Variants in ELAPOR2 observed in about 807,000 individuals in gnomAD.
ELAPOR2 encodes endosome/lysosome-associated apoptosis and autophagy regulator family member 2.
ELAPOR2 carries 89 observed loss-of-function variants against 120.7 expected under a neutral mutation model. The ratio of observed to expected loss-of-function variants is 0.74; its 90% CI spans 0.62 to 0.88. The LOEUF (loss-of-function observed/expected upper bound fraction) is 0.88. ELAPOR2 is among the 40% of genes least tolerant of loss of function. ELAPOR2 has a pLI of 0.00. For missense variants in ELAPOR2, 1,134 were observed against 1,251.6 expected (o/e 0.91, Z 1.42); for synonymous variants, 444 against 444.9 (o/e 1.00, Z 0.03).
chr7:87,038,431 G>A lies in ELAPOR2; in HGVS notation c.189+20894C>T, dbSNP rs1018260768. Among the ~76,000 whole-genome samples the A allele has an allele frequency of 1.6e-4, 24 of 152,146 alleles. No individual in the cohort carries two copies. The South Asian group carries it at 1.9e-3, about 12-fold the overall frequency. Reference sequence around the variant, plus strand: ...TATACTAAAAGCTTGTATACATAACGATGCAAACACCTAAATAGGAAATCT... The same window carrying A: ...TATACTAAAAGCTTGTATACATAACAATGCAAACACCTAAATAGGAAATCT... On this transcript the variant is annotated intron_variant, in intron 1 of 21. Coordinates refer to ENST00000450689, the MANE Select transcript of ELAPOR2 (RefSeq NM_001142749.3).
At chr7:87,033,978 T>C (rs996295727) in intron 1 of ELAPOR2, among the ~76,000 whole-genome samples, 2 of 152,162 alleles carry the variant, frequency 1.3e-5, no homozygotes, top group Non-Finnish European at 2.9e-5. Flanking sequence ...AACTGGTTAT[T>C]CAGGGAACAA....
chr7:86,964,761 G>T, intron 2 of ELAPOR2, 143 bp downstream of exon 2: 1 of 722,118 alleles, frequency 1.4e-6, no homozygotes, highest in Non-Finnish European at 2.2e-6. Flanking sequence ...TGATGAGAAA[G>T]GCTGCATTTA....
intron 1 of ELAPOR2, among the ~76,000 whole-genome samples, chr7:87,045,557 G>A (rs1453042415): frequency 5.4e-5 from 8 of 149,188 alleles, no homozygotes; most frequent in Non-Finnish European, 1.0e-4. Context: ...GAATTGAACA[G>A]TGAGATCACA....
At chr7:86,889,411 C>G (rs1255761265) in intron 21 of ELAPOR2, among the ~76,000 whole-genome samples, 1 of 151,632 alleles carries the variant, frequency 6.6e-6, no homozygotes. Context: ...CCAACTCCCC[C>G]CCAGCTCCAG....
At chr7:86,947,185 A>G (rs575221429) in intron 3 of ELAPOR2, among the ~76,000 whole-genome samples, 1 of 152,338 alleles carries the variant, frequency 6.6e-6, no homozygotes, top group East Asian at 1.9e-4. Context: ...ACAGGAAGGG[A>G]TATAGCTCAA....
intron 3 of ELAPOR2, 65 bp downstream of exon 3, chr7:86,947,662 G>A (rs1791063748): frequency 3.7e-6 from 5 of 1,351,782 alleles, no homozygotes; most frequent in Middle Eastern, 2.3e-4. Context: ...CTTCTTTCTG[G>A]AAAAGAGCAA....
chr7:86,943,374 A>G (rs1052617749), intron 4 of ELAPOR2, among the ~76,000 whole-genome samples: 5 of 151,994 alleles, frequency 3.3e-5, no homozygotes, highest in African/African-American at 1.2e-4. Context: ...GCTGTCAATT[A>G]TGCAATGCCC....
At chr7:86,935,722 G>A (rs1584369404) in intron 8 of ELAPOR2, among the ~76,000 whole-genome samples, 1 of 151,768 alleles carries the variant, frequency 6.6e-6, no homozygotes, top group Admixed American at 6.6e-5. Flanking sequence ...TACATCTATG[G>A]AGAAATTTAC....
chr7:87,006,387 TA>T (rs1485385095), intron 1 of ELAPOR2, among the ~76,000 whole-genome samples: 1 of 145,926 alleles, frequency 6.9e-6, no homozygotes, highest in East Asian at 2.1e-4. Flanking sequence ...GGTGGGGGGC[TA>T]GGGGAGGGAT....
intron 1 of ELAPOR2, 145 bp from the exon 2 acceptor site, chr7:86,965,169 C>T (rs1791860303): frequency 5.2e-6 from 4 of 768,334 alleles, no homozygotes; most frequent in Middle Eastern, 3.0e-4. Flanking sequence ...CACCAAGCAG[C>T]TTATTGATCA....
At chr7:86,900,631 G>T (rs1788675528) in intron 18 of ELAPOR2, among the ~76,000 whole-genome samples, 1 of 152,118 alleles carries the variant, frequency 6.6e-6, no homozygotes. Context: ...TTTGTTAAAA[G>T]ATACTCTTAG....
intron 1 of ELAPOR2, among the ~76,000 whole-genome samples, chr7:87,035,991 G>A (rs1307547898): frequency 6.6e-6 from 1 of 152,154 alleles, no homozygotes; most frequent in African/African-American, 2.4e-5. Context: ...AATGGTAATA[G>A]TAAAACAGTA....
Position 86,897,633 on chromosome 7 carries a change from C to T in ELAPOR2, c.2559-1G>A. On this transcript the variant is annotated splice_acceptor_variant, in intron 18 of 21. Coordinates refer to ENST00000450689, the MANE Select transcript of ELAPOR2 (RefSeq NM_001142749.3). LOFTEE classifies it high-confidence loss of function. The stretch of plus-strand genomic sequence containing the variant: ...ATCACAGGTACCTGCTGGGCACTTG[C>T]TAAAATCATAAACAAAACCAAAAAC... 6.2e-7 allele frequency: 1 copy of T among 1,612,766 alleles called. No individual in the cohort carries two copies. Among genetic ancestry groups the T allele is most frequent in the East Asian group, 2.2e-5 (1 of 44,776 alleles).
intron 1 of ELAPOR2, among the ~76,000 whole-genome samples, chr7:87,055,878 T>C (rs1795246802): frequency 1.3e-5 from 2 of 152,228 alleles, no homozygotes; most frequent in Non-Finnish European, 2.9e-5. Context: ...CATTCAGTAG[T>C]CAGGGAGAAC....
In ELAPOR2 at chr7:86,893,030, G is replaced by A. The variant is rs1167836590; in HGVS notation, c.2756C>T (p.Ala919Val). Residue 919 changes from alanine (A) to valine (V), a missense_variant, in exon 20 of 22, where the codon GCA (alanine) becomes GTA (valine). Ala to Val is a moderately conservative substitution (Grantham distance 64, BLOSUM62 0). Transcript: ENST00000450689. ...KGISLPEKKL[A>V]TCETVDFWLK... ...CCAAAAGTCAACCGTTTCACAGGTT[G>A]CCAACTTTTTCTCAGGCAAAGAAAT... is the stretch of plus-strand genomic sequence containing the variant. 3.8e-6 allele frequency: 6 copies of A among 1,586,236 alleles called. No homozygotes were observed. In the Admixed American group the frequency reaches 5.6e-5, roughly 15 times the overall value.
rs762067392 is a variant in ELAPOR2 at position 86,913,130 on chromosome 7, G to A, written c.1806C>T (p.Ser602=). The change falls in exon 14 of 22, where the codon TCC becomes TCT. Residue 602 remains serine, a synonymous_variant. Coordinates refer to ENST00000450689, the MANE Select transcript of ELAPOR2 (RefSeq NM_001142749.3). Reference sequence around the variant, plus strand: ...AACCGAGGGCACAGGCACGGCATGAGGACGCCACCCCATCAACTGCATTAG... The same window carrying A: ...AACCGAGGGCACAGGCACGGCATGAAGACGCCACCCCATCAACTGCATTAG... The part of the protein sequence containing the change: ...TATNAVDGVA[S]SCRACALGSE... 3 of 1,614,010 alleles carry A rather than the reference G, an allele frequency of 1.9e-6. No homozygotes were observed. Among genetic ancestry groups the A allele is most frequent in the South Asian group, 2.2e-5 (2 of 91,066 alleles).
At chr7:87,041,035 A>G (rs1417278967) in intron 1 of ELAPOR2, among the ~76,000 whole-genome samples, 1 of 152,188 alleles carries the variant, frequency 6.6e-6, no homozygotes, top group East Asian at 1.9e-4. Context: ...GAAATGAATG[A>G]AATGAAGGGA....
chr7:87,006,462 A>G (rs4727134), intron 1 of ELAPOR2, among the ~76,000 whole-genome samples: 57,034 of 151,464 alleles, frequency 0.38, 11,514 homozygotes, highest in African/African-American at 0.52. Context: ...ACTATGGCAC[A>G]TGTATACCTA....
intron 2 of ELAPOR2, among the ~76,000 whole-genome samples, chr7:86,955,840 T>C (rs941553165): frequency 7.2e-5 from 11 of 152,024 alleles, no homozygotes; most frequent in African/African-American, 2.7e-4. Context: ...TCCATGACTC[T>C]CTACCCAATA....
Sources: allele counts gnomAD v4.1 joint callset (sites outside exome capture counted in the v4.1 genomes callset), GRCh38; gene constraint gnomAD v4.1.1; transcripts MANE v1.5; gene names NCBI Gene and HGNC (gene_info 2026-07-23, HGNC 2026-07-21).